The following NKAIN3 variants were observed in gnomAD, a reference collection of about 807,000 sequenced individuals.
The protein encoded by NKAIN3 is sodium/potassium-transporting ATPase subunit beta-1-interacting protein 3.
A neutral mutation model predicts 30.2 loss-of-function variants in NKAIN3; 25 were observed. That is an observed-to-expected ratio of 0.83 (90% CI 0.60 to 1.16). NKAIN3 has a LOEUF of 1.16. NKAIN3 is among the 50% of genes most tolerant of loss of function. NKAIN3 has a pLI of 0.00. For missense variants in NKAIN3, 225 were observed against 254.1 expected (o/e 0.89, Z 0.78); for synonymous variants, 91 against 89.6 (o/e 1.02, Z -0.09).
At chr8:62,391,544 C>T (rs1382643508) in intron 1 of NKAIN3, among the ~76,000 whole-genome samples, 3 of 149,048 alleles carry the variant, frequency 2.0e-5, no homozygotes, top group Non-Finnish European at 4.5e-5. Context: ...AATATGGGCA[C>T]AATGAAAGAA....
intron 3 of NKAIN3, among the ~76,000 whole-genome samples, chr8:62,592,549 C>T (rs1406125338): frequency 1.3e-5 from 2 of 151,854 alleles, no homozygotes; most frequent in Admixed American, 1.3e-4. Flanking sequence ...GAAACCAAAG[C>T]AGATGTTACA....
intron 1 of NKAIN3, among the ~76,000 whole-genome samples, chr8:62,339,148 G>A (rs1815660695): frequency 6.6e-6 from 1 of 151,984 alleles, no homozygotes; most frequent in African/African-American, 2.4e-5. Flanking sequence ...AGAAGCTCTG[G>A]GGTCAGGATG....
At chr8:62,795,707 T>C (rs979830597) in intron 4 of NKAIN3, among the ~76,000 whole-genome samples, 1 of 152,202 alleles carries the variant, frequency 6.6e-6, no homozygotes, top group Non-Finnish European at 1.5e-5. Flanking sequence ...ACATTATGAA[T>C]GTTCAAAATT....
In NKAIN3 at chr8:62,765,723, C is replaced by T. The variant is rs567512402; in HGVS notation, c.471+18594C>T. Among the ~76,000 whole-genome samples, 5 of 152,114 alleles carry T rather than the reference C, an allele frequency of 3.3e-5. No individual in the cohort carries two copies. The South Asian group carries it at 8.3e-4, about 25-fold the overall frequency. On this transcript the variant is annotated intron_variant, in intron 4 of 6. Coordinates refer to ENST00000623646, the MANE Select transcript of NKAIN3 (RefSeq NM_001304533.3). The stretch of plus-strand genomic sequence containing the variant: ...ATAAAAGAAAGCTTTAAATCATATT[C>T]GAGTAAATATGTACCAGGTATAAAT...
At chr8:62,668,051 G>A (rs1321558201) in intron 3 of NKAIN3, among the ~76,000 whole-genome samples, 1 of 151,826 alleles carries the variant, frequency 6.6e-6, no homozygotes, top group Non-Finnish European at 1.5e-5. Context: ...ATTAGAAGAT[G>A]CCCTTGAACA....
At chr8:62,905,147 A>G (rs1298599676) in intron 4 of NKAIN3, among the ~76,000 whole-genome samples, 2 of 152,188 alleles carry the variant, frequency 1.3e-5, no homozygotes, top group African/African-American at 4.8e-5. Context: ...AGAAAGTGAC[A>G]TTTACAACTG....
rs12015958 is a variant in NKAIN3, at chr8:62,290,833, C to A, written c.54+41706C>A. Among the ~76,000 whole-genome samples the A allele has an allele frequency of 3.3e-5, 5 of 152,200 alleles. No homozygotes were observed. In the East Asian group the frequency reaches 9.7e-4, roughly 29 times the overall value. On this transcript the variant is annotated intron_variant, in intron 1 of 6. Transcript: ENST00000623646. Reference sequence around the variant, plus strand: ...GAATGGTACCAGCTCCTCTTTGTACCTCTGGTAGAATTCAGCTGTGAATCC... The same window carrying A: ...GAATGGTACCAGCTCCTCTTTGTACATCTGGTAGAATTCAGCTGTGAATCC...
intron 1 of NKAIN3, among the ~76,000 whole-genome samples, chr8:62,359,810 A>C (rs563499999): frequency 1.3e-5 from 2 of 152,344 alleles, no homozygotes; most frequent in Admixed American, 6.5e-5. Context: ...TATTGTCTTA[A>C]GGGAGGCAAT....
At chr8:62,797,107 G>T (rs1315581409) in intron 4 of NKAIN3, among the ~76,000 whole-genome samples, 2 of 152,166 alleles carry the variant, frequency 1.3e-5, no homozygotes, top group South Asian at 2.1e-4. Flanking sequence ...GTAAAAAGCA[G>T]AATTTCTTTG....
At chr8:62,553,120 A>G (rs1358975764) in intron 1 of NKAIN3, among the ~76,000 whole-genome samples, 2 of 152,180 alleles carry the variant, frequency 1.3e-5, no homozygotes, top group Non-Finnish European at 2.9e-5. Context: ...GCAGAAATGT[A>G]TCATTAAAAT....
At position 62,305,808 on chromosome 8, in the gene NKAIN3, T is replaced by G. The variant is rs536897295; in HGVS notation, c.54+56681T>G. Among the ~76,000 whole-genome samples, 44 of 150,452 alleles carry G rather than the reference T, an allele frequency of 2.9e-4. 1 individual carries two copies. Among genetic ancestry groups the G allele is most frequent in the African/African-American group, 1.1e-3 (43 of 39,888 alleles). On this transcript the variant is annotated intron_variant, in intron 1 of 6. Coordinates refer to ENST00000623646, the MANE Select transcript of NKAIN3 (RefSeq NM_001304533.3). ...GTCATTGGGTATGTGTCGTTAGGAC[T>G]GAGGATCTTGACTCATTCTCATTCG...
intron 1 of NKAIN3, among the ~76,000 whole-genome samples, chr8:62,269,448 C>G (rs924440448): frequency 6.6e-6 from 1 of 152,096 alleles, no homozygotes; most frequent in Non-Finnish European, 1.5e-5. Context: ...CAGTATATCT[C>G]TGGAGTCGCC....
At chr8:62,839,167 C>G (rs1819456169) in intron 4 of NKAIN3, among the ~76,000 whole-genome samples, 1 of 152,044 alleles carries the variant, frequency 6.6e-6, no homozygotes, top group Non-Finnish European at 1.5e-5. Flanking sequence ...AAAGACATAA[C>G]AACAAGAATT....
At chr8:62,947,675 C>T (rs1823163616) in intron 5 of NKAIN3, among the ~76,000 whole-genome samples, 1 of 152,184 alleles carries the variant, frequency 6.6e-6, no homozygotes, top group South Asian at 2.1e-4. Context: ...GGCGACACAG[C>T]TTCTGCCTGG....
At chr8:62,535,724 G>T (rs1186028303) in intron 1 of NKAIN3, among the ~76,000 whole-genome samples, 1 of 152,150 alleles carries the variant, frequency 6.6e-6, no homozygotes, top group Non-Finnish European at 1.5e-5. Flanking sequence ...CAGCCTCCAG[G>T]TATTCAGCTC....
chr8:62,967,779 A>T lies in NKAIN3; in HGVS notation c.*2372A>T, dbSNP rs1365942636. Among the ~76,000 whole-genome samples, 1 of 152,158 alleles carries T rather than the reference A, an allele frequency of 6.6e-6. No individual in the cohort carries two copies. The highest frequency in any genetic ancestry group is 1.5e-5 in the Non-Finnish European group (1 of 68,022). ...ATTGACATATTTTAAACTGTCACTT[A>T]ATTACCCCCACACATACACATGCAA... On this transcript the variant is annotated 3_prime_UTR_variant, in exon 7 of 7. Coordinates refer to ENST00000623646, the MANE Select transcript of NKAIN3 (RefSeq NM_001304533.3).
rs151062968 is a variant in NKAIN3, at chr8:62,754,309, C to T, written c.471+7180C>T. Among the ~76,000 whole-genome samples, 115 of 151,762 alleles carry T rather than the reference C, an allele frequency of 7.6e-4. 1 individual carries two copies. Among genetic ancestry groups the T allele is most frequent in the African/African-American group, 2.4e-3 (101 of 41,452 alleles). ...CCAATTTAAGTCCCTTTTTAATTTT[C>T]AGTGTTAGTTATTTACTGGTAAACA... On this transcript the variant is annotated intron_variant, in intron 4 of 6. Coordinates refer to ENST00000623646, the MANE Select transcript of NKAIN3 (RefSeq NM_001304533.3).
intron 1 of NKAIN3, among the ~76,000 whole-genome samples, chr8:62,441,914 T>C (rs937933055): frequency 2.0e-5 from 3 of 152,056 alleles, no homozygotes; most frequent in African/African-American, 7.2e-5. Context: ...CTCTGTACTT[T>C]TAAGTTTCCC....
chr8:62,396,031 A>G (rs570086588), intron 1 of NKAIN3, among the ~76,000 whole-genome samples: 1 of 152,340 alleles, frequency 6.6e-6, no homozygotes, highest in South Asian at 2.1e-4. Context: ...TTTATTTTGA[A>G]GAAAAAAGAG....
Sources: allele counts gnomAD v4.1 joint callset (sites outside exome capture counted in the v4.1 genomes callset), GRCh38; gene constraint gnomAD v4.1.1; transcripts MANE v1.5; gene names NCBI Gene and HGNC (gene_info 2026-07-23, HGNC 2026-07-21).